The following MRPL58 variants were observed in gnomAD, a reference collection of about 807,000 sequenced individuals.
The protein encoded by MRPL58 is large ribosomal subunit protein mL62.
MRPL58 carries 17 observed loss-of-function variants against 26.0 expected under a neutral mutation model. The ratio of observed to expected loss-of-function variants is 0.65; its 90% confidence interval spans 0.45 to 0.98. MRPL58 has a LOEUF of 0.98. Ranked by LOEUF, MRPL58 falls within the 50% of genes least tolerant of loss-of-function variation. The pLI, the probability that MRPL58 is intolerant of heterozygous loss-of-function variation, is 0.00. For synonymous variants in MRPL58, 100 were observed against 99.7 expected (o/e 1.00, Z -0.02); for missense variants, 250 against 269.0 (o/e 0.93, Z 0.49).
chr17:75,016,120 C>T (rs1210470156), intron 1 of MRPL58, among the ~76,000 whole-genome samples: 1 of 150,966 alleles, frequency 6.6e-6, no homozygotes, highest in Non-Finnish European at 1.5e-5. Flanking sequence ...GAAATGAAGA[C>T]AGGCTGGGCG....
rs1246937770 is a variant in MRPL58, at chr17:75,021,043, C to T, written c.*38C>T. 3 of 1,408,778 alleles carry T rather than the reference C, an allele frequency of 2.1e-6. No homozygotes were observed. Among genetic ancestry groups the T allele is most frequent in the African/African-American group, 1.4e-5 (1 of 70,902 alleles). 87.3% of individuals were successfully genotyped at this position (1,408,778 alleles called of 1,614,324 possible). On this transcript the variant is annotated 3_prime_UTR_variant, in exon 6 of 6. Coordinates refer to ENST00000301585, the MANE Select transcript of MRPL58 (RefSeq NM_001545.3). ...CAGCTGGGAGGGCTCTTCTGGGCGT[C>T]CGGGCAGCTGCAGCTGAGAGGACTT... is the stretch of plus-strand genomic sequence containing the variant.
rs139045275 is a variant in MRPL58 at position 75,013,202 on chromosome 17, A to G, written c.186+330A>G. Among the ~76,000 whole-genome samples the G allele has an allele frequency of 5.9e-5, 9 of 152,314 alleles. No homozygotes were observed. In the East Asian group the frequency reaches 1.7e-3, roughly 29 times the overall value. On this transcript the variant is annotated intron_variant, in intron 1 of 5. Transcript: ENST00000301585. ...CTCCAAGGCGGACAATAAAGGCAAG[A>G]GGCTGCCAAGTTGTTTGCTACCCTT...
At chr17:75,013,911 C>G (rs1435703373) in intron 1 of MRPL58, among the ~76,000 whole-genome samples, 1 of 152,104 alleles carries the variant, frequency 6.6e-6, no homozygotes, top group Non-Finnish European at 1.5e-5. Flanking sequence ...CAAGGGAGAC[C>G]TATTGGAGAG....
intron 5 of MRPL58, 26 bp from the exon 6 acceptor site, chr17:75,020,895 G>A (rs746763214): frequency 1.9e-6 from 3 of 1,574,620 alleles, no homozygotes; most frequent in Non-Finnish European, 2.6e-6. Context: ...GGCATCTGGG[G>A]CTAATTGCAG....
chr17:75,018,465 C>G (rs1345023060), intron 2 of MRPL58: 1 of 152,158 alleles, frequency 6.6e-6, no homozygotes, highest in African/African-American at 2.4e-5. Flanking sequence ...ATCTCCTGAC[C>G]TCATGATCTG....
chr17:75,019,975 A>G (rs1318212239), intron 3 of MRPL58, among the ~76,000 whole-genome samples: 1 of 152,124 alleles, frequency 6.6e-6, no homozygotes, highest in East Asian at 1.9e-4. Flanking sequence ...TGTGAGTCTA[A>G]ACAAAGAGAA....
intron 1 of MRPL58, among the ~76,000 whole-genome samples, chr17:75,013,732 G>A (rs2039950864): frequency 1.3e-5 from 2 of 152,292 alleles, no homozygotes; most frequent in South Asian, 4.2e-4. Context: ...ATGAGAATAG[G>A]GGGCGGATGA....
intron 1 of MRPL58, among the ~76,000 whole-genome samples, chr17:75,015,240 A>C (rs1389972730): frequency 1.3e-5 from 2 of 152,226 alleles, no homozygotes; most frequent in African/African-American, 4.8e-5. Flanking sequence ...TAATCCCAGC[A>C]CTTTGAGAGG....
chr17:75,020,835 C>A, intron 5 of MRPL58, 86 bp from the exon 6 acceptor site: 1 of 1,261,278 alleles, frequency 7.9e-7, no homozygotes, highest in Non-Finnish European at 1.2e-6. Flanking sequence ...AACTGCTCGG[C>A]TTCCCGTTGA....
At chr17:75,020,787 C>T in intron 5 of MRPL58, 130 bp downstream of exon 5, 1 of 1,245,798 alleles carries the variant, frequency 8.0e-7, no homozygotes, top group East Asian at 2.3e-5. Context: ...AGGATGCTGA[C>T]CTGGGACCGA....
intron 1 of MRPL58, among the ~76,000 whole-genome samples, chr17:75,013,217 T>C (rs2039947083): frequency 6.6e-6 from 1 of 152,202 alleles, no homozygotes; most frequent in East Asian, 1.9e-4. Context: ...GCCAAGTTGT[T>C]TGCTACCCTT....
Position 75,017,143 on chromosome 17 carries a change from G to A in MRPL58, c.223+29G>A, listed in dbSNP as rs781299707. 12 of 1,578,782 alleles carry A rather than the reference G, an allele frequency of 7.6e-6. No individual in the cohort carries two copies. In the South Asian group the frequency reaches 1.3e-4, roughly 17 times the overall value. ...AGTAATTTTGTTTTCTTAAAAATCAGTTGGCTGCGTGGTGGCATGTGCCTG... is the reference window on the plus strand; with the variant it reads ...AGTAATTTTGTTTTCTTAAAAATCAATTGGCTGCGTGGTGGCATGTGCCTG... On this transcript the variant is annotated intron_variant, in intron 2 of 5. Coordinates refer to ENST00000301585, the MANE Select transcript of MRPL58 (RefSeq NM_001545.3).
At chr17:75,018,691 C>T (rs1182200292) in intron 2 of MRPL58, 1 of 152,016 alleles carries the variant, frequency 6.6e-6, no homozygotes, top group Non-Finnish European at 1.5e-5. Context: ...AAAGACATTT[C>T]CATGTAAATA....
In MRPL58 at chr17:75,021,090, G is replaced by T. The variant is rs189853601; in HGVS notation, c.*85G>T. The stretch of plus-strand genomic sequence containing the variant: ...ACTTTCACACCATAAGGAGATTTCT[G>T]TTTTTCTTTTTGGCTGTTAATGCTT... On this transcript the variant is annotated 3_prime_UTR_variant, in exon 6 of 6. Transcript: ENST00000301585. The T allele has an allele frequency of 5.5e-4, 483 of 885,932 alleles. 3 individuals carry two copies. The African/African-American group carries it at 7.0e-3, about 13-fold the overall frequency. The allele number at this position is 885,932 out of a possible 1,614,324, so 54.9% of individuals were successfully genotyped here.
intron 1 of MRPL58, among the ~76,000 whole-genome samples, chr17:75,014,976 ATATC>A (rs2039962837): frequency 6.6e-6 from 1 of 152,206 alleles, no homozygotes; most frequent in Non-Finnish European, 1.5e-5. Flanking sequence ...AATAGGGAAA[ATATC>A]AGGTAGTGAG....
chr17:75,013,313 A>G (rs2039947964), intron 1 of MRPL58, among the ~76,000 whole-genome samples: 1 of 152,194 alleles, frequency 6.6e-6, no homozygotes, highest in Admixed American at 6.5e-5. Flanking sequence ...GGATGCATTT[A>G]TTTAGCCAGC....
In MRPL58 at chr17:75,012,794, C is replaced by G. The variant is rs2039941663; in HGVS notation, c.108C>G (p.Gly36=). The change falls in exon 1 of 6, where the codon GGC becomes GGG. Residue 36 remains glycine (G), a synonymous_variant. Coordinates refer to ENST00000301585, the MANE Select transcript of MRPL58 (RefSeq NM_001545.3). ...PRRALHKQKD[G]TEFKSIYSLD... ...GGGCGCTGCACAAGCAGAAAGACGG[C>G]ACTGAGTTCAAGAGCATCTACAGCC... 1 of 1,610,712 alleles carries G rather than the reference C, an allele frequency of 6.2e-7. No homozygotes were observed. Among genetic ancestry groups the G allele is most frequent in the Non-Finnish European group, 8.5e-7 (1 of 1,179,104 alleles).
rs776855061 is a variant in MRPL58, at chr17:75,012,814, A to G, written c.128A>G (p.Tyr43Cys). 6.2e-6 allele frequency: 10 copies of G among 1,612,370 alleles called. No homozygotes were observed. Among genetic ancestry groups the G allele is most frequent in the South Asian group, 1.1e-5 (1 of 90,956 alleles). ...QKDGTEFKSI[Y>C]SLDKLYPESQ... ...GACGGCACTGAGTTCAAGAGCATCT[A>G]CAGCCTGGACAAGCTCTACCCCGAA... Residue 43 changes from tyrosine (Y) to cysteine (C), a missense_variant, in exon 1 of 6, where the codon TAC becomes TGC. By Grantham distance (194) the Tyr-to-Cys change is radical. Transcript: ENST00000301585.
At chr17:75,012,940 G>A (rs760305691) in intron 1 of MRPL58, 68 bp downstream of exon 1, 200 of 1,418,742 alleles carry the variant, frequency 1.4e-4, no homozygotes, top group Non-Finnish European at 1.8e-4. Context: ...GGAACCCCAG[G>A]CCCATTGGCC....
Sources: gnomAD v4.1 joint callset for allele counts (sites outside exome capture counted in the v4.1 genomes callset) on GRCh38, gnomAD v4.1.1 for gene constraint, MANE v1.5 for transcripts, NCBI Gene and HGNC (gene_info 2026-07-23, HGNC 2026-07-21) for gene names.